SS18: variants seen among roughly 807,000 people sequenced by gnomAD.
The protein encoded by SS18 is SS18 subunit of BAF chromatin remodeling complex.
Under a neutral mutation model 72.5 loss-of-function variants are expected in SS18, and 28 were observed. The ratio of observed to expected loss-of-function variants is 0.39; its 90% confidence interval spans 0.29 to 0.53. The LOEUF is 0.53. Among genes scored for constraint, SS18 ranks in the 20% least tolerant of loss-of-function variants. The pLI is 0.76. For missense variants in SS18, 518 were observed against 535.3 expected, an observed-to-expected ratio of 0.97 and a Z score of 0.32; for synonymous variants, 172 against 164.2, an observed-to-expected ratio of 1.05 and a Z score of -0.37.
intron 5 of SS18, among the ~76,000 whole-genome samples, chr18:26,044,301 T>A (rs12326713): frequency 6.6e-6 from 1 of 151,776 alleles, no homozygotes; most frequent in East Asian, 1.9e-4. Context: ...TTTTATTTTA[T>A]GTTGTATGCT....
At chr18:26,022,374 G>C (rs183909083) in intron 10 of SS18, among the ~76,000 whole-genome samples, 1 of 151,406 alleles carries the variant, frequency 6.6e-6, no homozygotes, top group East Asian at 2.0e-4. Flanking sequence ...GAAGAGAAAT[G>C]TTATGTTGAA....
intron 3 of SS18, among the ~76,000 whole-genome samples, chr18:26,060,857 G>A (rs1480322801): frequency 6.8e-6 from 1 of 147,184 alleles, no homozygotes; most frequent in African/African-American, 2.5e-5. Flanking sequence ...TTGGGAGGCT[G>A]AGAAACGAGA....
At chr18:26,085,313 G>A (rs2144183148) in intron 2 of SS18, among the ~76,000 whole-genome samples, 1 of 152,244 alleles carries the variant, frequency 6.6e-6, no homozygotes, top group South Asian at 2.1e-4. Context: ...GGGATTTCAG[G>A]CATGAACCAT....
intron 2 of SS18, among the ~76,000 whole-genome samples, chr18:26,083,851 G>A (rs568711519): frequency 6.6e-6 from 1 of 152,132 alleles, no homozygotes; most frequent in Non-Finnish European, 1.5e-5. Flanking sequence ...AAGTAGATCA[G>A]CTAGTTAATT....
In SS18 at chr18:26,090,284, A is replaced by G. The variant is rs1047963959; in HGVS notation, c.69+217T>C. On this transcript the variant is annotated intron_variant, in intron 1 of 10. Transcript: ENST00000415083. ...GTTTGGGCTTTTGTGTCTGTAGAAA[A>G]ACGCGTAAATGCGTGAAAGACTCCG... The G allele has an allele frequency of 5.4e-5, 31 of 568,932 alleles. No individual in the cohort carries two copies. The African/African-American group carries it at 6.1e-4, about 11-fold the overall frequency. The allele number at this position is 568,932 out of a possible 1,614,324, so 35.2% of individuals were successfully genotyped here. A position where few individuals can be genotyped will look rare whatever the true frequency, so the allele number is the denominator to read the frequency against.
At chr18:26,089,394 T>A (rs559255142) in intron 1 of SS18, among the ~76,000 whole-genome samples, 1 of 152,172 alleles carries the variant, frequency 6.6e-6, no homozygotes, top group Non-Finnish European at 1.5e-5. Context: ...CGTTTGTTCA[T>A]AAAATAAAGC....
intron 2 of SS18, among the ~76,000 whole-genome samples, chr18:26,079,575 G>A (rs1237173279): frequency 2.0e-5 from 3 of 151,852 alleles, no homozygotes; most frequent in South Asian, 2.1e-4. Context: ...TCTTTTGTTC[G>A]TTTTTGGTTT....
At chr18:26,090,437 C>A in intron 1 of SS18, 64 bp downstream of exon 1, 1 of 1,506,146 alleles carries the variant, frequency 6.6e-7, no homozygotes, top group Non-Finnish European at 9.0e-7. Flanking sequence ...CCGGCCCTTC[C>A]CCCCGCGTCT....
intron 3 of SS18, among the ~76,000 whole-genome samples, chr18:26,060,827 G>A (rs1050268921): frequency 3.0e-5 from 4 of 135,336 alleles, no homozygotes; most frequent in South Asian, 5.1e-4. Context: ...GCAGTGGCAC[G>A]TGCCTGTAGT....
At chr18:26,038,778 T>C (rs937415239) in intron 6 of SS18, 119 bp from the exon 7 acceptor site, 54 of 968,220 alleles carry the variant, frequency 5.6e-5, no homozygotes, top group African/African-American at 4.9e-4. Context: ...ATCTCATAAT[T>C]TGGCATTTCA....
At chr18:26,038,807 T>A in intron 6 of SS18, 148 bp from the exon 7 acceptor site, 3 of 687,952 alleles carry the variant, frequency 4.4e-6, no homozygotes, top group Non-Finnish European at 7.4e-6. Flanking sequence ...TAGCTATTCA[T>A]ATACATATGC....
At chr18:26,042,281 C>T (rs1442530874) in intron 5 of SS18, among the ~76,000 whole-genome samples, 1 of 152,086 alleles carries the variant, frequency 6.6e-6, no homozygotes, top group Non-Finnish European at 1.5e-5. Context: ...TTTCTGCAAA[C>T]AATGGTATCA....
At position 26,065,824 on chromosome 18, in the gene SS18, T is replaced by TATATATATATATATA. The variant is rs10527527; in HGVS notation, c.232-8083_232-8082insTATATATATATATAT. ...CCATATATATATATATATATATATATGATCATTTTAAAATTTTAAGCCCTT... is the reference window on the plus strand; with the variant it reads ...CCATATATATATATATATATATATATATATATATATATATAGATCATTTTAAAATTTTAAGCCCTT... On this transcript the variant is annotated intron_variant, in intron 3 of 10. Transcript: ENST00000415083. Among the ~76,000 whole-genome samples, 512 of 136,486 alleles carry TATATATATATATATA rather than the reference T, an allele frequency of 3.8e-3. 3 individuals carry two copies. Among genetic ancestry groups the TATATATATATATATA allele is most frequent in the Non-Finnish European group, 4.8e-3 (298 of 62,634 alleles). 89.5% of individuals were successfully genotyped at this position (136,486 alleles called of 152,430 possible).
Position 26,038,619 on chromosome 18 carries a change from C to G in SS18, c.816G>C (p.Gly272=). The G allele has an allele frequency of 6.2e-7, 1 of 1,613,498 alleles. No homozygotes were observed. Among genetic ancestry groups the G allele is most frequent in the Non-Finnish European group, 8.5e-7 (1 of 1,179,588 alleles). The change falls in exon 7 of 11, where the codon GGG becomes GGC. Residue 272 remains glycine (G), a synonymous_variant. Coordinates refer to ENST00000415083, the MANE Select transcript of SS18 (RefSeq NM_001007559.3). ...CTTGTCCACCATGACTGTATTGGTC[C>G]CCGTAATAGTCTTCCTGGCCTGAGT... ...QQYSGQEDYY[G]DQYSHGGQGP... is the part of the protein sequence containing the mutation.
intron 2 of SS18, among the ~76,000 whole-genome samples, chr18:26,083,006 C>T (rs1384639309): frequency 6.6e-6 from 1 of 152,082 alleles, no homozygotes; most frequent in East Asian, 1.9e-4. Flanking sequence ...TTTGCTTCTC[C>T]TACAATGAGA....
chr18:26,086,605 A>G (rs546988745), intron 2 of SS18, among the ~76,000 whole-genome samples: 1 of 152,224 alleles, frequency 6.6e-6, no homozygotes, highest in Admixed American at 6.5e-5. Context: ...TCTAATGGAC[A>G]GTGCTGTTCT....
chr18:26,046,975 T>TCACATTAA (rs2053834661), intron 5 of SS18, among the ~76,000 whole-genome samples: 1 of 152,184 alleles, frequency 6.6e-6, no homozygotes, highest in Non-Finnish European at 1.5e-5. Context: ...CTATGGTAAC[T>TCACATTAA]GAAATTCAAA....
intron 4 of SS18, among the ~76,000 whole-genome samples, chr18:26,053,191 G>T (rs990216831): frequency 2.0e-5 from 3 of 152,108 alleles, no homozygotes; most frequent in African/African-American, 7.2e-5. Flanking sequence ...TCTAAAAGTA[G>T]ACCCAAATAC....
intron 3 of SS18, among the ~76,000 whole-genome samples, chr18:26,058,230 A>G (rs1443396935): frequency 1.3e-5 from 2 of 152,216 alleles, no homozygotes; most frequent in Non-Finnish European, 2.9e-5. Context: ...ACAACAGTTC[A>G]ACATTTTTGT....
Sources: gnomAD v4.1 joint callset for allele counts (sites outside exome capture counted in the v4.1 genomes callset) on GRCh38, gnomAD v4.1.1 for gene constraint, MANE v1.5 for transcripts, NCBI Gene and HGNC (gene_info 2026-07-23, HGNC 2026-07-21) for gene names.